The following CTNND2 variants were observed in gnomAD, a reference collection of about 807,000 sequenced individuals.
CTNND2 encodes the protein catenin delta-2.
A neutral mutation model predicts 144.4 loss-of-function variants in CTNND2; 22 were observed. That is an observed-to-expected ratio of 0.15 (90% CI 0.11 to 0.22). The LOEUF (loss-of-function observed/expected upper bound fraction) is 0.22. Ranked by LOEUF, CTNND2 falls within the 10% of genes least tolerant of loss-of-function variation. The pLI, the probability that CTNND2 is intolerant of heterozygous loss-of-function variation, is 1.00. For missense variants in CTNND2, 1,353 were observed against 1,618.8 expected (o/e 0.84, Z 2.82); for synonymous variants, 751 against 695.6 (o/e 1.08, Z -1.25).
chr5:11,296,390 G>C (rs1454339909), intron 9 of CTNND2, among the ~76,000 whole-genome samples: 1 of 152,206 alleles, frequency 6.6e-6, no homozygotes, highest in Non-Finnish European at 1.5e-5. Flanking sequence ...TGGTGGGACT[G>C]TAAACTAGTT....
At chr5:11,558,873 T>C (rs1776455589) in intron 3 of CTNND2, among the ~76,000 whole-genome samples, 1 of 152,144 alleles carries the variant, frequency 6.6e-6, no homozygotes, top group Non-Finnish European at 1.5e-5. Context: ...GTGAGAATAC[T>C]TACCTTGCAA....
intron 1 of CTNND2, among the ~76,000 whole-genome samples, chr5:11,789,546 T>C (rs1356878051): frequency 6.6e-6 from 1 of 152,208 alleles, no homozygotes; most frequent in Non-Finnish European, 1.5e-5. Context: ...ATGGCTGGTA[T>C]AGAGGAAAGC....
chr5:11,660,145 T>A, intron 2 of CTNND2, among the ~76,000 whole-genome samples: 1 of 152,094 alleles, frequency 6.6e-6, no homozygotes, highest in East Asian at 1.9e-4. Context: ...TGGCTGAATT[T>A]ATCAGGCAAT....
chr5:11,276,368 T>C (rs1481884057), intron 9 of CTNND2, among the ~76,000 whole-genome samples: 4 of 152,216 alleles, frequency 2.6e-5, no homozygotes, highest in Non-Finnish European at 4.4e-5. Context: ...CAGCCACTCC[T>C]CCTTGAAGCA....
rs113732916 is a variant in CTNND2 at position 11,639,526 on chromosome 5, A to G, written c.175-74470T>C. Among the ~76,000 whole-genome samples, 683 of 152,318 alleles carry G rather than the reference A, an allele frequency of 4.5e-3. 5 individuals are homozygous for G. Among genetic ancestry groups the G allele is most frequent in the African/African-American group, 0.016 (652 of 41,582 alleles). On this transcript the variant is annotated intron_variant, in intron 2 of 21. Transcript: ENST00000304623. ...ATACCCTTAACTTAAATAACAGACT[A>G]TTACAGTATCCTGTCTCTAATACGA...
intron 1 of CTNND2, among the ~76,000 whole-genome samples, chr5:11,877,312 T>C (rs1269899241): frequency 6.6e-6 from 1 of 152,164 alleles, no homozygotes; most frequent in Non-Finnish European, 1.5e-5. Flanking sequence ...TAATTAGCAG[T>C]TATTCTTTTC....
intron 3 of CTNND2, among the ~76,000 whole-genome samples, chr5:11,483,028 T>G (rs1768436287): frequency 6.6e-6 from 1 of 151,848 alleles, no homozygotes; most frequent in Admixed American, 6.6e-5. Flanking sequence ...AGCAATAAAA[T>G]GGCTTTGGTT....
intron 2 of CTNND2, among the ~76,000 whole-genome samples, chr5:11,712,526 C>G (rs1786089108): frequency 6.6e-6 from 1 of 152,044 alleles, no homozygotes; most frequent in Non-Finnish European, 1.5e-5. Flanking sequence ...AAAGGGCATA[C>G]AGCAGTGTTA....
At chr5:11,656,618 T>A (rs978727948) in intron 2 of CTNND2, among the ~76,000 whole-genome samples, 11 of 152,074 alleles carry the variant, frequency 7.2e-5, no homozygotes, top group African/African-American at 2.7e-4. Flanking sequence ...CTCCTACTGA[T>A]CCACGAACAG....
At chr5:11,502,324 T>G (rs1278496836) in intron 3 of CTNND2, among the ~76,000 whole-genome samples, 2 of 152,170 alleles carry the variant, frequency 1.3e-5, no homozygotes. Flanking sequence ...ATGTACAAAC[T>G]GTTACCTTTC....
chr5:11,732,076 T>C, intron 2 of CTNND2, 60 bp downstream of exon 2: 2 of 1,549,504 alleles, frequency 1.3e-6, no homozygotes, highest in Middle Eastern at 1.7e-4. Context: ...AACGTTCATC[T>C]AGAAAAACAA....
chr5:11,662,950 CACTT>C (rs1255566554), intron 2 of CTNND2, among the ~76,000 whole-genome samples: 3 of 152,196 alleles, frequency 2.0e-5, no homozygotes, highest in Non-Finnish European at 4.4e-5. Context: ...AGTCTGTACT[CACTT>C]GAGAAGGAGC....
chr5:11,039,201 G>C (rs147733405), intron 16 of CTNND2, among the ~76,000 whole-genome samples: 1 of 152,308 alleles, frequency 6.6e-6, no homozygotes, highest in Non-Finnish European at 1.5e-5. Flanking sequence ...CATCATCTCT[G>C]ACATTGGCAA....
chr5:11,291,185 A>T (rs1748312306), intron 9 of CTNND2, among the ~76,000 whole-genome samples: 1 of 152,148 alleles, frequency 6.6e-6, no homozygotes, highest in South Asian at 2.1e-4. Context: ...TGTCAACTAA[A>T]GGCAACAGCC....
chr5:11,229,925 C>T (rs141070981), intron 10 of CTNND2, among the ~76,000 whole-genome samples: 2 of 151,766 alleles, frequency 1.3e-5, no homozygotes, highest in South Asian at 4.2e-4. Context: ...AAAGTACAGG[C>T]AGGAGGAACA....
intron 11 of CTNND2, among the ~76,000 whole-genome samples, chr5:11,199,127 A>G (rs1412452063): frequency 6.6e-6 from 1 of 152,212 alleles, no homozygotes; most frequent in Non-Finnish European, 1.5e-5. Context: ...TTGTCCTTTG[A>G]TCAATTATTA....
intron 18 of CTNND2, among the ~76,000 whole-genome samples, chr5:10,998,347 G>A (rs978921444): frequency 4.6e-5 from 7 of 152,082 alleles, no homozygotes; most frequent in African/African-American, 9.7e-5. Context: ...AGGGGAGAAG[G>A]GAGCTTAAGG....
intron 3 of CTNND2, among the ~76,000 whole-genome samples, chr5:11,473,472 A>G (rs1414944299): frequency 2.6e-5 from 4 of 152,190 alleles, no homozygotes; most frequent in Non-Finnish European, 5.9e-5. Flanking sequence ...AGAAGAGAAT[A>G]TTTAAATTTA....
chr5:11,845,676 C>A (rs1794700096), intron 1 of CTNND2, among the ~76,000 whole-genome samples: 1 of 152,128 alleles, frequency 6.6e-6, no homozygotes, highest in African/African-American at 2.4e-5. Context: ...TTAATTAATC[C>A]ACTCAGTTTG....
Sources: allele counts gnomAD v4.1 joint callset (sites outside exome capture counted in the v4.1 genomes callset), GRCh38; gene constraint gnomAD v4.1.1; transcripts MANE v1.5; gene names NCBI Gene and HGNC (gene_info 2026-07-23, HGNC 2026-07-21).